GMDS: variants seen among roughly 807,000 people sequenced by gnomAD.
The protein encoded by GMDS is GDP-mannose 4,6-dehydratase.
A neutral mutation model predicts 49.9 loss-of-function variants in GMDS; 20 were observed. The observed-to-expected ratio is 0.40, with a 90% CI of 0.28 to 0.58. The LOEUF (loss-of-function observed/expected upper bound fraction) is 0.58, where lower values mean the gene tolerates loss of function less well. Ranked by LOEUF, GMDS falls within the 20% of genes least tolerant of loss-of-function variation. The pLI is 0.42. For missense variants in GMDS, 362 were observed against 481.4 expected, an observed-to-expected ratio of 0.75 and a Z score of 2.32; for synonymous variants, 177 against 178.6, an observed-to-expected ratio of 0.99 and a Z score of 0.07.
At chr6:2,214,913 T>C (rs1224686669) in intron 1 of GMDS, among the ~76,000 whole-genome samples, 1 of 152,192 alleles carries the variant, frequency 6.6e-6, no homozygotes, top group Non-Finnish European at 1.5e-5. Context: ...TAATGGATAA[T>C]CTTGAGAATG....
chr6:1,691,326 G>A lies in GMDS; in HGVS notation c.987+35090C>T, dbSNP rs370643458. On this transcript the variant is annotated intron_variant, in intron 9 of 10. Coordinates refer to ENST00000380815, the MANE Select transcript of GMDS (RefSeq NM_001500.4). ...CTGAACAATGAGAACACATGGACACGGGGAGGGGCACACACACTGGGGCCT... is the reference window on the plus strand; with the variant it reads ...CTGAACAATGAGAACACATGGACACAGGGAGGGGCACACACACTGGGGCCT... Among the ~76,000 whole-genome samples the A allele has an allele frequency of 1.2e-4, 19 of 152,102 alleles. No individual in the cohort carries two copies. In the East Asian group the frequency reaches 2.1e-3, roughly 17 times the overall value.
At chr6:1,856,854 T>G (rs1757957800) in intron 7 of GMDS, among the ~76,000 whole-genome samples, 1 of 152,234 alleles carries the variant, frequency 6.6e-6, no homozygotes, top group Non-Finnish European at 1.5e-5. Context: ...ATGTCCATCT[T>G]GGAGGTGAGA....
At chr6:1,889,292 T>C (rs954271453) in intron 7 of GMDS, among the ~76,000 whole-genome samples, 1 of 152,194 alleles carries the variant, frequency 6.6e-6, no homozygotes, top group African/African-American at 2.4e-5. Context: ...AGCATTTCCC[T>C]TTGTGACTGC....
At chr6:1,853,484 C>G (rs1036749319) in intron 7 of GMDS, among the ~76,000 whole-genome samples, 1 of 138,012 alleles carries the variant, frequency 7.2e-6, no homozygotes. Flanking sequence ...CGCCACTGCA[C>G]TCCAGCCTGG....
At chr6:2,121,461 C>G (rs966082322) in intron 2 of GMDS, among the ~76,000 whole-genome samples, 1 of 152,148 alleles carries the variant, frequency 6.6e-6, no homozygotes, top group African/African-American at 2.4e-5. Context: ...TCCCTTTAAA[C>G]TTTTAAATTG....
At position 2,108,186 on chromosome 6, in the gene GMDS, T is replaced by C. The variant is rs747937120; in HGVS notation, c.345+7585A>G. Among the ~76,000 whole-genome samples, 61 of 152,182 alleles carry C rather than the reference T, an allele frequency of 4.0e-4. 1 individual carries two copies. Among genetic ancestry groups the C allele is most frequent in the Non-Finnish European group, 4.3e-4 (29 of 68,022 alleles). Reference sequence around the variant, plus strand: ...ATATTTATTTTTAGATCTTAGAAAATAGGTTAATTCACATTATACTTATAT... The same window carrying C: ...ATATTTATTTTTAGATCTTAGAAAACAGGTTAATTCACATTATACTTATAT... On this transcript the variant is annotated intron_variant, in intron 4 of 10. Transcript: ENST00000380815.
chr6:2,241,198 C>A (rs949804335), intron 1 of GMDS, among the ~76,000 whole-genome samples: 5 of 152,148 alleles, frequency 3.3e-5, no homozygotes, highest in Non-Finnish European at 2.9e-5. Context: ...GCTGCTCCGA[C>A]ATCCTGGCTG....
chr6:1,758,365 C>T (rs909018835), intron 7 of GMDS, among the ~76,000 whole-genome samples: 18 of 152,168 alleles, frequency 1.2e-4, no homozygotes, highest in Non-Finnish European at 2.2e-4. Flanking sequence ...AATTTACAGG[C>T]ACTTGACGTT....
intron 7 of GMDS, among the ~76,000 whole-genome samples, chr6:1,829,528 G>A (rs1164373568): frequency 6.6e-6 from 1 of 152,138 alleles, no homozygotes; most frequent in African/African-American, 2.4e-5. Flanking sequence ...TTAACATTCT[G>A]GGCTCACTCA....
At chr6:1,706,137 C>A (rs1028616896) in intron 9 of GMDS, among the ~76,000 whole-genome samples, 1 of 152,192 alleles carries the variant, frequency 6.6e-6, no homozygotes, top group African/African-American at 2.4e-5. Flanking sequence ...AACAGATTTT[C>A]ATTCATTTCG....
At chr6:1,926,347 T>G (rs538018281) in intron 7 of GMDS, among the ~76,000 whole-genome samples, 1 of 152,182 alleles carries the variant, frequency 6.6e-6, no homozygotes, top group Non-Finnish European at 1.5e-5. Context: ...CCCTAGATAC[T>G]GCTGTGGGGT....
rs535309192 is a variant in GMDS at position 1,769,551 on chromosome 6, C to T, written c.772-26965G>A. ...GACTGGCAGGACTCAGTGAAATCCT[C>T]AGCCACTTAACGAGGCTATTAATTG... is the stretch of plus-strand genomic sequence containing the variant. On this transcript the variant is annotated intron_variant, in intron 7 of 10. Transcript: ENST00000380815. 9.2e-5 allele frequency among the ~76,000 whole-genome samples: 14 copies of T among 152,346 alleles called. No homozygotes were observed. The East Asian group carries it at 2.7e-3, about 29-fold the overall frequency.
chr6:1,699,789 C>T (rs1765476095), intron 9 of GMDS, among the ~76,000 whole-genome samples: 1 of 152,016 alleles, frequency 6.6e-6, no homozygotes, highest in Non-Finnish European at 1.5e-5. Context: ...GCCACGTATT[C>T]TAGAATTAGC....
At chr6:2,243,017 T>G (rs1026971279) in intron 1 of GMDS, among the ~76,000 whole-genome samples, 3 of 152,166 alleles carry the variant, frequency 2.0e-5, no homozygotes, top group African/African-American at 7.2e-5. Flanking sequence ...TGCAAGTGTT[T>G]ATGTGGTAGC....
chr6:2,084,124 G>C (rs1386881838), intron 4 of GMDS, among the ~76,000 whole-genome samples: 3 of 151,986 alleles, frequency 2.0e-5, no homozygotes, highest in African/African-American at 4.8e-5. Context: ...CTAAAGTCTT[G>C]GGTCAGATTA....
chr6:2,206,653 T>G (rs1053522549), intron 1 of GMDS, among the ~76,000 whole-genome samples: 11 of 152,138 alleles, frequency 7.2e-5, no homozygotes, highest in African/African-American at 2.2e-4. Flanking sequence ...TTCTTAAACT[T>G]TAGGCTGCAT....
chr6:2,175,411 C>A (rs1186467983), intron 1 of GMDS, among the ~76,000 whole-genome samples: 2 of 152,152 alleles, frequency 1.3e-5, no homozygotes, highest in African/African-American at 4.8e-5. Flanking sequence ...ACATATGCCA[C>A]CTCGGACTTG....
chr6:1,707,463 G>A (rs1765779138), intron 9 of GMDS, among the ~76,000 whole-genome samples: 1 of 152,164 alleles, frequency 6.6e-6, no homozygotes, highest in South Asian at 2.1e-4. Flanking sequence ...TCTCTCAAAG[G>A]CCCTGCTCCA....
rs1470721773 is a variant in GMDS at position 1,998,477 on chromosome 6, C to T, written c.346-37511G>A. Among the ~76,000 whole-genome samples the T allele has an allele frequency of 2.0e-5, 3 of 152,226 alleles. No individual in the cohort carries two copies. The East Asian group carries it at 5.8e-4, about 29-fold the overall frequency. Reference sequence around the variant, plus strand: ...GCTAAAAAGTATAGAGCAATAATTACACAAATCTGAGGAAAAGGATTATAA... The same window carrying T: ...GCTAAAAAGTATAGAGCAATAATTATACAAATCTGAGGAAAAGGATTATAA... On this transcript the variant is annotated intron_variant, in intron 4 of 10. Transcript: ENST00000380815.
Sources: allele counts gnomAD v4.1 joint callset (sites outside exome capture counted in the v4.1 genomes callset), GRCh38; gene constraint gnomAD v4.1.1; transcripts MANE v1.5; gene names NCBI Gene and HGNC (gene_info 2026-07-23, HGNC 2026-07-21).